The following KIAA0586 variants were observed in gnomAD, a reference collection of about 807,000 sequenced individuals.
The protein encoded by KIAA0586 is protein TALPID3.
A neutral mutation model predicts 169.8 loss-of-function variants in KIAA0586; 144 were observed. That is an observed-to-expected ratio of 0.85 (90% CI 0.74 to 0.97). The LOEUF is 0.97. Among genes scored for constraint, KIAA0586 ranks in the 50% least tolerant of loss-of-function variants. The pLI is 0.00. For synonymous variants in KIAA0586, 625 were observed against 612.4 expected (o/e 1.02, Z -0.30); for missense variants, 1,854 against 1,823.0 (o/e 1.02, Z -0.31).
chr14:58,448,895 C>G (rs1054835832), intron 7 of KIAA0586, among the ~76,000 whole-genome samples: 1 of 152,040 alleles, frequency 6.6e-6, no homozygotes, highest in African/African-American at 2.4e-5. Context: ...CATATTTGCT[C>G]TTTCTTGATT....
intron 20 of KIAA0586, among the ~76,000 whole-genome samples, chr14:58,479,560 G>A (rs1195246798): frequency 6.6e-6 from 1 of 152,002 alleles, no homozygotes; most frequent in African/African-American, 2.4e-5. Context: ...GTAGTTTGTA[G>A]GGATTTTTGC....
intron 30 of KIAA0586, among the ~76,000 whole-genome samples, chr14:58,546,688 A>G (rs1329278014): frequency 2.0e-5 from 3 of 152,180 alleles, no homozygotes; most frequent in Non-Finnish European, 1.5e-5. Flanking sequence ...GAATTTGGGT[A>G]TAGGCAGATA....
chr14:58,527,334 A>G (rs778711352), intron 29 of KIAA0586, among the ~76,000 whole-genome samples: 3 of 152,200 alleles, frequency 2.0e-5, no homozygotes, highest in Admixed American at 6.5e-5. Flanking sequence ...GCCAACATTG[A>G]AATTCAGGAA....
chr14:58,499,018 A>G (rs1466265938), intron 27 of KIAA0586, 58 bp downstream of exon 27: 4 of 1,409,370 alleles, frequency 2.8e-6, no homozygotes, highest in Non-Finnish European at 3.8e-6. Flanking sequence ...ATCTGAGTTG[A>G]GGAAAGTATA....
At chr14:58,478,245 G>A (rs1595286925) in intron 20 of KIAA0586, among the ~76,000 whole-genome samples, 1 of 152,212 alleles carries the variant, frequency 6.6e-6, no homozygotes, top group South Asian at 2.1e-4. Flanking sequence ...CACTTTGGGA[G>A]GCCAAGGAGG....
In KIAA0586 at chr14:58,453,449, G is replaced by A; in HGVS notation, c.1229G>A (p.Gly410Glu). 1 of 1,518,944 alleles carries A rather than the reference G, an allele frequency of 6.6e-7. No individual in the cohort carries two copies. The highest frequency in any genetic ancestry group is 8.8e-7 in the Non-Finnish European group (1 of 1,135,382). 94.1% of individuals were successfully genotyped at this position (1,518,944 alleles called of 1,614,324 possible). ...ACCTCACTAACTAGGTCAAAAATAG[G>A]ATGGACTCCTGAGAAAACAAACAGG... ...NTTSLTRSKI[G>E]WTPEKTNRFP... The change falls in exon 9 of 31, where the codon GGA becomes GAA. Residue 410 changes from glycine (G) to glutamate (E), a missense_variant. By Grantham distance (98) the Gly-to-Glu change is moderately conservative. Coordinates refer to ENST00000652326, the MANE Select transcript of KIAA0586 (RefSeq NM_001329943.3).
At chr14:58,430,755 C>A in intron 3 of KIAA0586, 38 bp downstream of exon 3, 1 of 1,160,720 alleles carries the variant, frequency 8.6e-7, no homozygotes, top group Non-Finnish European at 1.3e-6. Context: ...ATTGTGACAA[C>A]ATATACATAA....
chr14:58,490,186 C>A lies in KIAA0586; in HGVS notation c.3804C>A (p.Tyr1268Ter). ...APKILEDIGLYLTNLNDSLSS... is the reference protein window; with the variant it reads ...APKILEDIGL ...TAGTTTTAGAAGATATAGGACTGTA[C>A]CTGACAAACCTTAATGATAGCTTAT... Residue 1268 changes from tyrosine to a stop codon, truncating the protein, a stop_gained, in exon 25 of 31, where the codon TAC becomes TAA. Transcript: ENST00000652326. LOFTEE classifies it high-confidence loss of function. 3 of 1,512,520 alleles carry A rather than the reference C, an allele frequency of 2.0e-6. No homozygotes were observed. The highest frequency in any genetic ancestry group is 2.7e-6 in the Non-Finnish European group (3 of 1,116,408). 93.7% of individuals were successfully genotyped at this position (1,512,520 alleles called of 1,614,324 possible).
chr14:58,482,519 G>A lies in KIAA0586; in HGVS notation c.2951G>A (p.Gly984Glu). Residue 984 changes from glycine (G) to glutamate (E), a missense_variant, in exon 21 of 31, where the codon GGA (glycine) becomes GAA (glutamate). By Grantham distance (98) the Gly-to-Glu change is moderately conservative (BLOSUM62 -2). Coordinates refer to ENST00000652326, the MANE Select transcript of KIAA0586 (RefSeq NM_001329943.3). The part of the protein sequence containing the change: ...SEPLTSDIVE[G>E]TSSGALQLFV... ...TTTTTTTTTTTACTTTTAGTGGAAG[G>A]AACAAGCAGTGGCGCCCTCCAGCTT... 1.3e-6 allele frequency: 2 copies of A among 1,511,972 alleles called. No homozygotes were observed. 93.7% of individuals were successfully genotyped at this position (1,511,972 alleles called of 1,614,324 possible). A position where few individuals can be genotyped will look rare whatever the true frequency, so the allele number is the denominator to read the frequency against.
intron 4 of KIAA0586, among the ~76,000 whole-genome samples, chr14:58,434,361 T>A (rs1275789575): frequency 6.6e-6 from 1 of 152,162 alleles, no homozygotes; most frequent in African/African-American, 2.4e-5. Context: ...GGCCAGTTAC[T>A]GGGAAATAAA....
At chr14:58,466,834 TTTTTGTAC>T (rs2040811912) in intron 15 of KIAA0586, among the ~76,000 whole-genome samples, 1 of 152,342 alleles carries the variant, frequency 6.6e-6, no homozygotes, top group South Asian at 2.1e-4. Flanking sequence ...AAGGTACTTT[TTTTTGTAC>T]TTTTGAACTA....
intron 20 of KIAA0586, among the ~76,000 whole-genome samples, chr14:58,480,342 C>CT (rs200827035): frequency 1.2e-3 from 18 of 14,784 alleles, no homozygotes; most frequent in African/African-American, 3.0e-3. Context: ...AATTCTTCCT[C>CT]TTTTAAAAAA....
intron 20 of KIAA0586, among the ~76,000 whole-genome samples, chr14:58,480,622 A>G (rs1386133303): frequency 1.3e-5 from 2 of 152,138 alleles, no homozygotes; most frequent in East Asian, 3.9e-4. Flanking sequence ...TTTTGAGATC[A>G]CAGTTCTCCC....
chr14:58,499,521 G>T (rs922148796), intron 27 of KIAA0586, among the ~76,000 whole-genome samples: 5 of 151,524 alleles, frequency 3.3e-5, no homozygotes, highest in African/African-American at 1.2e-4. Context: ...CAAAGTGCTG[G>T]AATTACAGGT....
chr14:58,433,337 G>C (rs1366091224), intron 4 of KIAA0586: 2 of 152,196 alleles, frequency 1.3e-5, no homozygotes, highest in African/African-American at 4.8e-5. Flanking sequence ...ACAGTGCTGG[G>C]ATTACAGGTG....
chr14:58,517,895 C>T (rs113971208), intron 29 of KIAA0586, among the ~76,000 whole-genome samples: 44 of 152,208 alleles, frequency 2.9e-4, no homozygotes, highest in African/African-American at 1.1e-3. Context: ...TGTATGATTC[C>T]ATTTATATGG....
Position 58,547,936 on chromosome 14 carries a change from G to C in KIAA0586, c.*4G>C. 1 of 1,613,030 alleles carries C rather than the reference G, an allele frequency of 6.2e-7. No homozygotes were observed. The highest frequency in any genetic ancestry group is 2.2e-5 in the East Asian group (1 of 44,820). On this transcript the variant is annotated 3_prime_UTR_variant, in exon 31 of 31. Transcript: ENST00000652326. ...TTCGGGGGCAGATACCTTCTGAACG[G>C]GAAGAGACAGCCAGCACAGTGTTTA... is the stretch of plus-strand genomic sequence containing the variant.
At chr14:58,510,486 A>C (rs1194464216) in intron 28 of KIAA0586, among the ~76,000 whole-genome samples, 3 of 152,226 alleles carry the variant, frequency 2.0e-5, no homozygotes, top group Non-Finnish European at 4.4e-5. Flanking sequence ...CGGTCATGCC[A>C]AGTGTCGGCA....
At chr14:58,503,118 T>A (rs1159726627) in intron 27 of KIAA0586, among the ~76,000 whole-genome samples, 1 of 152,170 alleles carries the variant, frequency 6.6e-6, no homozygotes, top group Non-Finnish European at 1.5e-5. Flanking sequence ...AGTGAATTAT[T>A]TGTGGACCCT....
Sources: gnomAD v4.1 joint callset for allele counts (sites outside exome capture counted in the v4.1 genomes callset) on GRCh38, gnomAD v4.1.1 for gene constraint, MANE v1.5 for transcripts, NCBI Gene and HGNC (gene_info 2026-07-23, HGNC 2026-07-21) for gene names.